Variants in COL4A5 observed in about 807,000 individuals in gnomAD.
COL4A5 encodes the protein collagen type IV alpha 5 chain, also known as collagen alpha-5(IV) chain.
COL4A5 carries 26 observed loss-of-function variants against 130.2 expected under a neutral mutation model. That is an observed-to-expected ratio of 0.20 (90% CI 0.15 to 0.28). The LOEUF (loss-of-function observed/expected upper bound fraction) is 0.28, where lower values mean the gene tolerates loss of function less well. Ranked by LOEUF, COL4A5 falls within the 10% of genes least tolerant of loss-of-function variation. The probability of loss-of-function intolerance (pLI) is 1.00; values close to 1 mark genes in which losing one functional copy is unlikely to be tolerated. For synonymous variants in COL4A5, 496 were observed against 439.6 expected (o/e 1.13, Z -1.60); for missense variants, 1,131 against 1,344.3 (o/e 0.84, Z 2.48).
intron 6 of COL4A5, among the ~76,000 whole-genome samples, chrX:108,570,890 G>C (rs1157947480): frequency 8.9e-6 from 1 of 112,050 alleles, no homozygotes; most frequent in African/African-American, 3.2e-5. Context: ...ACAGTAGTGA[G>C]TGAGAAAAGC....
At chrX:108,455,904 A>T (rs752897451) in intron 1 of COL4A5, among the ~76,000 whole-genome samples, 1 of 111,534 alleles carries the variant, frequency 9.0e-6, no homozygotes, top group Non-Finnish European at 1.9e-5. Context: ...TGGTAGCATA[A>T]GTCCTTTACA....
intron 1 of COL4A5, among the ~76,000 whole-genome samples, chrX:108,535,471 T>C (rs768588140): frequency 9.0e-6 from 1 of 111,448 alleles, no homozygotes; most frequent in East Asian, 2.8e-4. Context: ...AGAGTCAGTA[T>C]GTATTTTTGC....
intron 36 of COL4A5, among the ~76,000 whole-genome samples, chrX:108,633,233 C>G (rs2067298924): frequency 9.0e-6 from 1 of 110,722 alleles, no homozygotes; most frequent in Non-Finnish European, 1.9e-5. Flanking sequence ...GGCTTGAGGC[C>G]TGTCACATAG....
At chrX:108,550,727 A>AT (rs899178925) in intron 2 of COL4A5, among the ~76,000 whole-genome samples, 15 of 110,895 alleles carry the variant, frequency 1.4e-4, no homozygotes, top group Non-Finnish European at 1.9e-4. Context: ...GGAAGAAATA[A>AT]TTTTTTTTGT....
chrX:108,547,810 A>T (rs917888466), intron 2 of COL4A5, among the ~76,000 whole-genome samples: 36 of 111,489 alleles, frequency 3.2e-4, no homozygotes, highest in African/African-American at 1.1e-3. Flanking sequence ...CAGCAATGGC[A>T]GACGCCCCTC....
At chrX:108,694,593 C>T in intron 50 of COL4A5, 3 of 434,041 alleles carry the variant, frequency 6.9e-6, no homozygotes, top group Non-Finnish European at 8.1e-6. Context: ...TGCACTGGTT[C>T]TGCAGTTTTT....
At chrX:108,493,656 C>T (rs1181997216) in intron 1 of COL4A5, among the ~76,000 whole-genome samples, 1 of 110,405 alleles carries the variant, frequency 9.1e-6, no homozygotes, top group Non-Finnish European at 1.9e-5. Context: ...GATAATGTAG[C>T]TTCTCACTTA....
At chrX:108,522,980 T>C (rs1439653628) in intron 1 of COL4A5, among the ~76,000 whole-genome samples, 4 of 107,253 alleles carry the variant, frequency 3.7e-5, no homozygotes, top group African/African-American at 1.4e-4. Context: ...CGGGTTCAAG[T>C]GATTCTCCTG....
chrX:108,596,568 T>A (rs2066520106), intron 22 of COL4A5, among the ~76,000 whole-genome samples: 3 of 112,148 alleles, frequency 2.7e-5, no homozygotes, highest in Non-Finnish European at 5.6e-5. Context: ...TTTCAGGGAA[T>A]GACAAACCAA....
At chrX:108,458,885 C>G (rs2064612634) in intron 1 of COL4A5, among the ~76,000 whole-genome samples, 2 of 110,319 alleles carry the variant, frequency 1.8e-5, no homozygotes, top group Admixed American at 1.9e-4. Flanking sequence ...GAGGCTGAGG[C>G]AGGAGAATGG....
At chrX:108,538,400 C>A (rs2065485434) in intron 1 of COL4A5, among the ~76,000 whole-genome samples, 1 of 111,907 alleles carries the variant, frequency 8.9e-6, no homozygotes, top group Non-Finnish European at 1.9e-5. Flanking sequence ...ACTGGAGCAG[C>A]CTCTTGTAGT....
At position 108,586,670 on chromosome X, in the gene COL4A5, T is replaced by G. The variant is rs1309019229; in HGVS notation, c.1088T>G (p.Leu363Trp). 8.3e-7 allele frequency: 1 copy of G among 1,206,404 alleles called. No homozygotes were observed. The highest frequency in any genetic ancestry group is 1.8e-5 in the South Asian group (1 of 56,620). Residue 363 changes from leucine to tryptophan, a missense_variant, in exon 19 of 53, where the codon TTG becomes TGG. Coordinates refer to ENST00000328300, the MANE Select transcript of COL4A5 (RefSeq NM_033380.3). ...ITIGEKGNIG[L>W]PGLPGEKGER... Reference sequence around the variant, plus strand: ...ATAGGAGAAAAAGGAAACATTGGGTTGCCTGGGTTGCCTGGAGAAAAAGGA... The same window carrying G: ...ATAGGAGAAAAAGGAAACATTGGGTGGCCTGGGTTGCCTGGAGAAAAAGGA...
At chrX:108,567,227 G>A (rs2065988453) in intron 4 of COL4A5, among the ~76,000 whole-genome samples, 1 of 112,170 alleles carries the variant, frequency 8.9e-6, no homozygotes, top group African/African-American at 3.2e-5. Context: ...AAGATACCAT[G>A]TTTGATGAAA....
At chrX:108,673,619 C>A (rs2068246905) in intron 42 of COL4A5, among the ~76,000 whole-genome samples, 1 of 109,709 alleles carries the variant, frequency 9.1e-6, no homozygotes, top group Non-Finnish European at 1.9e-5. Flanking sequence ...AGTACCCTTT[C>A]ACTGATAGGC....
chrX:108,507,451 A>G (rs1290293756), intron 1 of COL4A5, among the ~76,000 whole-genome samples: 3 of 111,571 alleles, frequency 2.7e-5, no homozygotes, highest in Non-Finnish European at 5.6e-5. Flanking sequence ...CATCATGTAA[A>G]CACAACTAAA....
At chrX:108,641,163 T>G (rs965104535) in intron 36 of COL4A5, among the ~76,000 whole-genome samples, 3 of 112,018 alleles carry the variant, frequency 2.7e-5, no homozygotes, top group African/African-American at 9.7e-5. Context: ...AAAAAATATT[T>G]GACAGTGCCT....
At chrX:108,545,679 T>C (rs1275905321) in intron 2 of COL4A5, among the ~76,000 whole-genome samples, 4 of 111,063 alleles carry the variant, frequency 3.6e-5, no homozygotes, top group Admixed American at 9.6e-5. Flanking sequence ...CTTTCTGTCT[T>C]GTTGATTTGT....
intron 1 of COL4A5, among the ~76,000 whole-genome samples, chrX:108,481,287 A>G (rs1337791425): frequency 9.0e-6 from 1 of 111,125 alleles, no homozygotes; most frequent in African/African-American, 3.3e-5. Context: ...ACCATGGTAA[A>G]AGGTCAGAGG....
intron 1 of COL4A5, among the ~76,000 whole-genome samples, chrX:108,507,247 CAAAAAAA>C (rs1195605237): frequency 5.9e-5 from 3 of 50,880 alleles, no homozygotes; most frequent in Non-Finnish European, 8.3e-5. Flanking sequence ...ACAACAACAA[CAAAAAAA>C]AAAAAAAGAA....
Sources: allele counts gnomAD v4.1 joint callset (sites outside exome capture counted in the v4.1 genomes callset), GRCh38; gene constraint gnomAD v4.1.1; transcripts MANE v1.5; gene names NCBI Gene and HGNC (gene_info 2026-07-23, HGNC 2026-07-21).